SPATA18: variants seen among roughly 807,000 people sequenced by gnomAD.
SPATA18 encodes the protein mitochondria-eating protein.
SPATA18 carries 54 observed loss-of-function variants against 68.1 expected under a neutral mutation model. The observed-to-expected ratio is 0.79, with a 90% confidence interval of 0.64 to 0.99. The LOEUF is 0.99. Among genes scored for constraint, SPATA18 ranks in the 50% least tolerant of loss-of-function variants. The pLI is 0.00. For synonymous variants in SPATA18, 242 were observed against 244.8 expected, an observed-to-expected ratio of 0.99 and a Z score of 0.11; for missense variants, 724 against 681.1, an observed-to-expected ratio of 1.06 and a Z score of -0.70.
At chr4:52,060,605 T>C (rs1738749595) in intron 2 of SPATA18, 81 bp downstream of exon 2, 3 of 1,389,398 alleles carry the variant, frequency 2.2e-6, no homozygotes, top group Non-Finnish European at 3.0e-6. Context: ...TCTTTGACTG[T>C]TGGTGTGGTT....
chr4:52,060,579 T>C, intron 2 of SPATA18, 55 bp downstream of exon 2: 36 of 1,546,560 alleles, frequency 2.3e-5, no homozygotes, highest in Non-Finnish European at 3.0e-5. Context: ...TCTCTTTTCT[T>C]GGTGCTTTTT....
Position 52,051,480 on chromosome 4 carries a change from G to GACGGCGGATGAGGC in SPATA18, c.-224_-211dup. 1.8e-6 allele frequency: 1 copy of GACGGCGGATGAGGC among 547,822 alleles called. No homozygotes were observed. The highest frequency in any genetic ancestry group is 3.3e-6 in the Non-Finnish European group (1 of 307,494). The allele number at this position is 547,822 out of a possible 1,614,324, so 33.9% of individuals were successfully genotyped here. A position where few individuals can be genotyped will look rare whatever the true frequency, so the allele number is the denominator to read the frequency against. ...GCTGGGGAGCCAGGAGACCGCGCGG[G>GACGGCGGATGAGGC]ACGGCGGATGAGGCGCGGCGGCTGC... On this transcript the variant is annotated 5_prime_UTR_variant, in exon 1 of 13. It adds an upstream start codon to the 5' untranslated region. Transcript: ENST00000295213.
chr4:52,079,033 A>G, intron 8 of SPATA18, 140 bp downstream of exon 8: 2 of 878,370 alleles, frequency 2.3e-6, no homozygotes, highest in Non-Finnish European at 3.2e-6. Flanking sequence ...CATTCAATTT[A>G]CTTGGTAGCA....
At chr4:52,088,839 A>G (rs1306725101) in intron 11 of SPATA18, among the ~76,000 whole-genome samples, 1 of 152,154 alleles carries the variant, frequency 6.6e-6, no homozygotes, top group South Asian at 2.1e-4. Context: ...ATTGTTTGGA[A>G]TAGTTTCAGA....
At chr4:52,071,305 G>T (rs904062029) in intron 5 of SPATA18, among the ~76,000 whole-genome samples, 3 of 152,084 alleles carry the variant, frequency 2.0e-5, no homozygotes, top group Non-Finnish European at 4.4e-5. Context: ...ATGCCACTTT[G>T]TATCTTGATA....
rs1297919059 is a variant in SPATA18, at chr4:52,096,525, A to G, written c.*1638A>G. 1 of 152,156 alleles carries G rather than the reference A, an allele frequency of 6.6e-6. No homozygotes were observed. The highest frequency in any genetic ancestry group is 2.4e-5 in the African/African-American group (1 of 41,436). The allele number at this position is 152,156 out of a possible 1,614,324, so 9.4% of individuals were successfully genotyped here. On this transcript the variant is annotated 3_prime_UTR_variant, in exon 13 of 13. Transcript: ENST00000295213. Reference sequence around the variant, plus strand: ...TTTAAGCAGTGAACATAGTACCCTAACTATAATATAAAGCAGAAAAAAAGG... The same window carrying G: ...TTTAAGCAGTGAACATAGTACCCTAGCTATAATATAAAGCAGAAAAAAAGG...
intron 9 of SPATA18, 116 bp from the exon 10 acceptor site, chr4:52,082,271 C>A: frequency 1.1e-6 from 1 of 950,832 alleles, no homozygotes; most frequent in Non-Finnish European, 1.6e-6. Flanking sequence ...CAGAATTTGA[C>A]CTATATTTAC....
chr4:52,071,366 A>G (rs1272685358), intron 5 of SPATA18, among the ~76,000 whole-genome samples: 1 of 152,134 alleles, frequency 6.6e-6, no homozygotes, highest in Non-Finnish European at 1.5e-5. Context: ...CATTATTTTC[A>G]TAGGTTCACA....
At chr4:52,061,199 T>G (rs1282562012) in intron 3 of SPATA18, among the ~76,000 whole-genome samples, 1 of 152,096 alleles carries the variant, frequency 6.6e-6, no homozygotes, top group African/African-American at 2.4e-5. Context: ...AACAGAAGCA[T>G]TTAGAAAGCA....
At position 52,094,940 on chromosome 4, in the gene SPATA18, A is replaced by G. The variant is rs1742307691; in HGVS notation, c.*53A>G. ...GTGCGTGGAAACAGCTGCTTTCTCC[A>G]GTGCCGCCATCTGTCTTCTGTGTCT... On this transcript the variant is annotated 3_prime_UTR_variant, in exon 13 of 13. Coordinates refer to ENST00000295213, the MANE Select transcript of SPATA18 (RefSeq NM_145263.4). 4 of 1,611,264 alleles carry G rather than the reference A, an allele frequency of 2.5e-6. No homozygotes were observed. The highest frequency in any genetic ancestry group is 3.4e-6 in the Non-Finnish European group (4 of 1,177,426).
intron 6 of SPATA18, among the ~76,000 whole-genome samples, chr4:52,075,895 C>T (rs1028204285): frequency 6.6e-6 from 1 of 152,164 alleles, no homozygotes; most frequent in Non-Finnish European, 1.5e-5. Flanking sequence ...GTAGTTAATA[C>T]CACAAATATA....
chr4:52,077,130 G>T (rs1043856128), intron 7 of SPATA18, 90 bp downstream of exon 7: 20 of 1,390,270 alleles, frequency 1.4e-5, no homozygotes, highest in Non-Finnish European at 1.9e-5. Context: ...AAGACTAGTG[G>T]ATCCTGAGGT....
At chr4:52,062,378 A>T (rs754796589) in intron 4 of SPATA18, 46 bp downstream of exon 4, 2 of 1,357,918 alleles carry the variant, frequency 1.5e-6, no homozygotes, top group African/African-American at 2.9e-5. Context: ...ATTGTTTTCA[A>T]TTTAATTAAG....
chr4:52,056,062 C>T (rs1003618013), intron 1 of SPATA18, among the ~76,000 whole-genome samples: 1 of 152,130 alleles, frequency 6.6e-6, no homozygotes, highest in Admixed American at 6.5e-5. Flanking sequence ...TTTCTGATTG[C>T]TCTTGTTTTG....
chr4:52,057,009 A>G (rs1738404420), intron 1 of SPATA18, among the ~76,000 whole-genome samples: 1 of 152,138 alleles, frequency 6.6e-6, no homozygotes, highest in South Asian at 2.1e-4. Flanking sequence ...TCCTCTTGAA[A>G]TGCCCTTCCC....
intron 6 of SPATA18, among the ~76,000 whole-genome samples, chr4:52,075,279 G>T (rs1367206370): frequency 6.6e-6 from 1 of 152,164 alleles, no homozygotes; most frequent in African/African-American, 2.4e-5. Flanking sequence ...TTAGTGTTAT[G>T]GGGACGAGCC....
intron 4 of SPATA18, 31 bp from the exon 5 acceptor site, chr4:52,069,790 A>C (rs1221722069): frequency 6.7e-7 from 1 of 1,492,130 alleles, no homozygotes; most frequent in South Asian, 1.4e-5. Flanking sequence ...ATTTTGAAAA[A>C]TCTATCTTTA....
At chr4:52,084,304 C>A (rs1181017075) in intron 10 of SPATA18, among the ~76,000 whole-genome samples, 1 of 152,062 alleles carries the variant, frequency 6.6e-6, no homozygotes, top group Non-Finnish European at 1.5e-5. Flanking sequence ...AACATTTGTC[C>A]AAGCTTAAAC....
intron 10 of SPATA18, among the ~76,000 whole-genome samples, chr4:52,083,742 T>G (rs1372696035): frequency 5.5e-5 from 2 of 36,376 alleles, no homozygotes; most frequent in Non-Finnish European, 1.4e-4. Context: ...AGATCCTGTC[T>G]TTTTTTTTTT....
Sources: allele counts gnomAD v4.1 joint callset (sites outside exome capture counted in the v4.1 genomes callset), GRCh38; gene constraint gnomAD v4.1.1; transcripts MANE v1.5; gene names NCBI Gene and HGNC (gene_info 2026-07-23, HGNC 2026-07-21).